NCF2: variants seen among roughly 807,000 people sequenced by gnomAD.
The protein encoded by NCF2 is neutrophil cytosol factor 2.
NCF2 carries 45 observed loss-of-function variants against 70.9 expected under a neutral mutation model. That is an observed-to-expected ratio of 0.63 (90% CI 0.50 to 0.81). The LOEUF is 0.81. Ranked by LOEUF, NCF2 falls within the 40% of genes least tolerant of loss-of-function variation. NCF2 has a pLI of 0.00. For synonymous variants in NCF2, 203 were observed against 233.6 expected (o/e 0.87, Z 1.19); for missense variants, 522 against 631.6 (o/e 0.83, Z 1.86).
chr1:183,601,464 G>A, the NCF2 span, among the ~76,000 whole-genome samples: 107 of 152,288 alleles, frequency 7.0e-4, no homozygotes, highest in African/African-American at 2.5e-3. Context: ...CTGAGTCACA[G>A]TGTTTATTTA....
chr1:183,578,021 T>C (rs1672878930), intron 2 of NCF2, among the ~76,000 whole-genome samples: 1 of 152,246 alleles, frequency 6.6e-6, no homozygotes, highest in African/African-American at 2.4e-5. Flanking sequence ...CGCTTTCCGA[T>C]GCAGCTCTCA....
rs1671727649 is a variant in NCF2 at position 183,555,636 on chromosome 1, G to C, written c.*482C>G. ...TATAAGGTTACTTCAAGCCTTAAGAGCCAATTACAGTAATGGTTCAGAAAC... is the reference window on the plus strand; with the variant it reads ...TATAAGGTTACTTCAAGCCTTAAGACCCAATTACAGTAATGGTTCAGAAAC... On this transcript the variant is annotated 3_prime_UTR_variant, in exon 15 of 15. Transcript: ENST00000367535. The C allele has an allele frequency of 5.7e-6, 1 of 175,580 alleles. No homozygotes were observed. Among genetic ancestry groups the C allele is most frequent in the Non-Finnish European group, 1.2e-5 (1 of 80,806 alleles). 10.9% of individuals were successfully genotyped at this position (175,580 alleles called of 1,614,324 possible).
chr1:183,565,141 G>T (rs1672246526), intron 10 of NCF2, among the ~76,000 whole-genome samples: 1 of 152,124 alleles, frequency 6.6e-6, no homozygotes, highest in South Asian at 2.1e-4. Flanking sequence ...CTAGAATCTG[G>T]CCAACCACTC....
intron 3 of NCF2, among the ~76,000 whole-genome samples, chr1:183,576,673 T>G (rs2102910521): frequency 6.6e-6 from 1 of 152,336 alleles, no homozygotes; most frequent in Middle Eastern, 3.4e-3. Flanking sequence ...CTTCTCAGAC[T>G]GTGAGACGTG....
chr1:183,585,624 C>CAAAAAAA lies in NCF2; in HGVS notation c.257+1264_257+1270dup, dbSNP rs750881920. On this transcript the variant is annotated intron_variant, in intron 2 of 14. Coordinates refer to ENST00000367535, the MANE Select transcript of NCF2 (RefSeq NM_000433.4). ...TGGGTGACAGGGCGAAACTCCGTCT[C>CAAAAAAA]AAAAAAAAAAAAAATTCTTCATTAG... is the stretch of plus-strand genomic sequence containing the variant. Among the ~76,000 whole-genome samples the CAAAAAAA allele has an allele frequency of 1.5e-3, 168 of 114,586 alleles. 11 individuals carry two copies. The highest frequency in any genetic ancestry group is 7.2e-3 in the African/African-American group (158 of 22,034). The allele number at this position is 114,586 out of a possible 152,430, so 75.2% of individuals were successfully genotyped here. A position where few individuals can be genotyped will look rare whatever the true frequency, so the allele number is the denominator to read the frequency against.
chr1:183,578,247 CT>C (rs1672891605), intron 2 of NCF2, among the ~76,000 whole-genome samples: 1 of 151,902 alleles, frequency 6.6e-6, no homozygotes, highest in Admixed American at 6.6e-5. Context: ...CAACTTAGAG[CT>C]TGGTTTTGTG....
At chr1:183,597,931 A>G in the NCF2 span, 1 of 152,292 alleles carries the variant, frequency 6.6e-6, no homozygotes. Context: ...CCACATTTGT[A>G]CTGCCTGAGT....
In NCF2 at chr1:183,588,071, C is replaced by T. The variant is rs938232743; in HGVS notation, c.175-1094G>A. On this transcript the variant is annotated intron_variant, in intron 1 of 14. Coordinates refer to ENST00000367535, the MANE Select transcript of NCF2 (RefSeq NM_000433.4). ...TCTTTCATTCATATGAATTTAACTGCTGTTTGCTCTAATTTCTTTGAGTTC... is the reference window on the plus strand; with the variant it reads ...TCTTTCATTCATATGAATTTAACTGTTGTTTGCTCTAATTTCTTTGAGTTC... Among the ~76,000 whole-genome samples the T allele has an allele frequency of 5.3e-5, 8 of 152,230 alleles. 1 individual carries two copies. In the South Asian group the frequency reaches 1.7e-3, roughly 32 times the overall value.
intron 2 of NCF2, among the ~76,000 whole-genome samples, chr1:183,582,191 C>G (rs1163553282): frequency 6.6e-6 from 1 of 152,186 alleles, no homozygotes; most frequent in Non-Finnish European, 1.5e-5. Context: ...GCCAGTGGGC[C>G]GTGCTGCGGC....
At chr1:183,577,747 G>T in intron 2 of NCF2, 40 bp from the exon 3 acceptor site, 1 of 1,367,200 alleles carries the variant, frequency 7.3e-7, no homozygotes, top group Non-Finnish European at 1.0e-6. Context: ...TCTAGTGGAT[G>T]GAGAAATAAA....
intron 2 of NCF2, among the ~76,000 whole-genome samples, chr1:183,583,692 A>G (rs751617846): frequency 2.8e-4 from 43 of 152,218 alleles, no homozygotes; most frequent in Non-Finnish European, 6.0e-4. Flanking sequence ...CAGACATATT[A>G]CAAAAGGAGG....
chr1:183,586,060 C>A lies in NCF2; in HGVS notation c.257+835G>T, dbSNP rs548372314. 2.0e-5 allele frequency among the ~76,000 whole-genome samples: 3 copies of A among 152,238 alleles called. No homozygotes were observed. In the South Asian group the frequency reaches 6.2e-4, roughly 32 times the overall value. ...TTTTTAAATTTAACATCTGGCTGGG[C>A]GTGGTGGCACATGCCTGTAATCCCA... On this transcript the variant is annotated intron_variant, in intron 2 of 14. Coordinates refer to ENST00000367535, the MANE Select transcript of NCF2 (RefSeq NM_000433.4).
chr1:183,592,498 G>A (rs531628068), upstream of NCF2, among the ~76,000 whole-genome samples: 2 of 152,306 alleles, frequency 1.3e-5, no homozygotes, highest in South Asian at 4.1e-4. Context: ...CTCCTTGGAA[G>A]TTGGGACCAT....
intron 2 of NCF2, among the ~76,000 whole-genome samples, chr1:183,581,297 AG>A (rs66816815): frequency 0.26 from 29,590 of 115,708 alleles, 5,703 homozygotes; most frequent in Non-Finnish European, 0.38. Flanking sequence ...AAAAAAAAAA[AG>A]AAAGAAAGAA....
At chr1:183,567,488 C>CCAGGCAGGCTCAG in intron 7 of NCF2, 143 bp from the exon 8 acceptor site, 2 of 1,158,376 alleles carry the variant, frequency 1.7e-6, no homozygotes, top group Non-Finnish European at 2.6e-6. Flanking sequence ...GACACTGAGC[C>CCAGGCAGGCTCAG]TGCCTGGGCT....
the NCF2 span, among the ~76,000 whole-genome samples, chr1:183,596,957 C>T: frequency 6.6e-6 from 1 of 152,214 alleles, no homozygotes; most frequent in African/African-American, 2.4e-5. Context: ...TCTACCTTAT[C>T]TATCCAGCTA....
At chr1:183,567,543 C>T in intron 7 of NCF2, 198 bp from the exon 8 acceptor site, 1 of 750,680 alleles carries the variant, frequency 1.3e-6, no homozygotes, top group Non-Finnish European at 2.4e-6. Flanking sequence ...TGCTCATAAC[C>T]ATATATGCAG....
chr1:183,600,871 A>C, the NCF2 span, among the ~76,000 whole-genome samples: 1 of 152,136 alleles, frequency 6.6e-6, no homozygotes, highest in Non-Finnish European at 1.5e-5. Context: ...GACAGCACAC[A>C]CCAGGGCCAT....
rs1404750541 is a variant in NCF2, at chr1:183,555,697, G to T, written c.*421C>A. 1 of 204,050 alleles carries T rather than the reference G, an allele frequency of 4.9e-6. No individual in the cohort carries two copies. The highest frequency in any genetic ancestry group is 1.2e-4 in the East Asian group (1 of 8,582). 12.6% of individuals were successfully genotyped at this position (204,050 alleles called of 1,614,324 possible). ...GTACTTACTCCTTGGGCCTGGACTTGGGTGTCTTGTTTTTGTAAGATGCTA... is the reference window on the plus strand; with the variant it reads ...GTACTTACTCCTTGGGCCTGGACTTTGGTGTCTTGTTTTTGTAAGATGCTA... On this transcript the variant is annotated 3_prime_UTR_variant, in exon 15 of 15. Transcript: ENST00000367535.
Sources: allele counts gnomAD v4.1 joint callset (sites outside exome capture counted in the v4.1 genomes callset), GRCh38; gene constraint gnomAD v4.1.1; transcripts MANE v1.5; gene names NCBI Gene and HGNC (gene_info 2026-07-23, HGNC 2026-07-21).